SETX: variants seen among roughly 807,000 people sequenced by gnomAD.
SETX encodes the protein helicase senataxin.
SETX carries 90 observed loss-of-function variants against 227.2 expected under a neutral mutation model. That is an observed-to-expected ratio of 0.40 (90% CI 0.33 to 0.47). The LOEUF is 0.47. SETX is among the 20% of genes least tolerant of loss of function. The pLI is 0.91. For synonymous variants in SETX, 1,210 were observed against 1,113.2 expected, an observed-to-expected ratio of 1.09 and a Z score of -1.73; for missense variants, 3,052 against 3,181.5, an observed-to-expected ratio of 0.96 and a Z score of 0.98.
intron 24 of SETX, among the ~76,000 whole-genome samples, chr9:132,271,340 G>A (rs1842894202): frequency 1.3e-5 from 2 of 152,226 alleles, no homozygotes; most frequent in Admixed American, 6.5e-5. Context: ...AAAGTGGGTG[G>A]AGCACTTGAG....
At chr9:132,336,973 G>A (rs965178087) in intron 5 of SETX, among the ~76,000 whole-genome samples, 7 of 152,164 alleles carry the variant, frequency 4.6e-5, no homozygotes, top group African/African-American at 1.4e-4. Context: ...GGCTGAGGCA[G>A]GAGAATTGTT....
Position 132,281,469 on chromosome 9 carries a change from T to G in SETX, c.6652A>C (p.Met2218Leu). ...PKQLPPTVIS[M>L]KAQEYGYDQS... Reference sequence around the variant, plus strand: ...CAATCTGAACATAAAAAACTTACCATAGAGATGACTGTCGGAGGGAGCTGC... The same window carrying G: ...CAATCTGAACATAAAAAACTTACCAGAGAGATGACTGTCGGAGGGAGCTGC... The change falls in exon 20 of 26, where the codon ATG becomes CTG. Residue 2218 changes from methionine to leucine, a missense_variant and splice_region_variant. Physicochemically the swap from Met to Leu is conservative, Grantham distance 15. Around this residue, in one of 10 missense-constraint regions of SETX, gnomAD observed 412 missense variants for 589.0 expected, o/e 0.70. Coordinates refer to ENST00000224140, the MANE Select transcript of SETX (RefSeq NM_015046.7). 6.2e-7 allele frequency: 1 copy of G among 1,610,034 alleles called. No homozygotes were observed. The highest frequency in any genetic ancestry group is 1.1e-5 in the South Asian group (1 of 90,988).
intron 5 of SETX, among the ~76,000 whole-genome samples, chr9:132,340,525 T>A (rs1847894769): frequency 6.9e-6 from 1 of 145,124 alleles, no homozygotes; most frequent in Non-Finnish European, 1.5e-5. Context: ...GAGTGATGGA[T>A]AAAATCCAAG....
chr9:132,269,564 C>T, intron 25 of SETX, 51 bp downstream of exon 25: 2 of 1,611,238 alleles, frequency 1.2e-6, no homozygotes, highest in Non-Finnish European at 1.7e-6. Context: ...AACAAAAACT[C>T]AATCCAACAA....
intron 23 of SETX, among the ~76,000 whole-genome samples, chr9:132,272,913 G>A (rs947836326): frequency 8.5e-5 from 13 of 152,136 alleles, no homozygotes; most frequent in African/African-American, 3.1e-4. Flanking sequence ...ATCTACAGAT[G>A]TAATCCAACT....
At chr9:132,348,871 T>C (rs1848455181) in intron 3 of SETX, among the ~76,000 whole-genome samples, 1 of 152,112 alleles carries the variant, frequency 6.6e-6, no homozygotes, top group South Asian at 2.1e-4. Flanking sequence ...GAGGCTGCAG[T>C]GAACCGTGAT....
chr9:132,333,416 T>TATATACAC (rs779955041), intron 7 of SETX, among the ~76,000 whole-genome samples: 5 of 88,092 alleles, frequency 5.7e-5, no homozygotes, highest in African/African-American at 2.6e-4. Context: ...AAAATATATA[T>TATATACAC]ACACACACAC....
rs1777745223 is a variant in SETX, at chr9:132,346,446, C to T, written c.203G>A (p.Arg68His). 1.9e-6 allele frequency: 3 copies of T among 1,612,290 alleles called. No individual in the cohort carries two copies. The highest frequency in any genetic ancestry group is 2.5e-6 in the Non-Finnish European group (3 of 1,178,934). ...HEVLWELETL[R>H]LINHFEKSMK... ...GGATTTTTCAAAGTGATTTATGAGA[C>T]GTAAGGTTTCTAATTCCCATAAAAC... The change falls in exon 4 of 26, where the codon CGT becomes CAT. Residue 68 changes from arginine (R) to histidine (H), a missense_variant. Coordinates refer to ENST00000224140, the MANE Select transcript of SETX (RefSeq NM_015046.7).
At chr9:132,348,277 T>A (rs1848406930) in intron 3 of SETX, among the ~76,000 whole-genome samples, 1 of 147,498 alleles carries the variant, frequency 6.8e-6, no homozygotes, top group African/African-American at 2.5e-5. Context: ...GAGAATCGCT[T>A]GAACCCACCT....
chr9:132,307,741 C>G (rs944832234), intron 11 of SETX, among the ~76,000 whole-genome samples: 1 of 150,470 alleles, frequency 6.6e-6, no homozygotes, highest in Non-Finnish European at 1.5e-5. Context: ...TGCAGTGGCA[C>G]GATCTCGGCT....
At chr9:132,338,662 T>C (rs1847784676) in intron 5 of SETX, among the ~76,000 whole-genome samples, 1 of 152,188 alleles carries the variant, frequency 6.6e-6, no homozygotes, top group Non-Finnish European at 1.5e-5. Flanking sequence ...CTTCATATAT[T>C]TATTAGCTAT....
At chr9:132,319,362 A>C (rs950232444) in intron 10 of SETX, among the ~76,000 whole-genome samples, 5 of 152,216 alleles carry the variant, frequency 3.3e-5, no homozygotes, top group African/African-American at 1.2e-4. Flanking sequence ...TAAACTGGTT[A>C]CTATTACTAT....
At chr9:132,335,172 C>CTT (rs1564553998) in intron 6 of SETX, among the ~76,000 whole-genome samples, 1 of 151,816 alleles carries the variant, frequency 6.6e-6, no homozygotes, top group Non-Finnish European at 1.5e-5. Context: ...GGGCAGATCA[C>CTT]AAAGTCAGGA....
chr9:132,333,066 G>A (rs1398780558), intron 7 of SETX, among the ~76,000 whole-genome samples: 1 of 151,632 alleles, frequency 6.6e-6, no homozygotes, highest in Non-Finnish European at 1.5e-5. Context: ...AATAGCCTCA[G>A]ACATAATCTA....
Position 132,336,394 on chromosome 9 carries a change from C to A in SETX, c.620G>T (p.Ser207Ile), listed in dbSNP as rs1352065399. 6.2e-7 allele frequency: 1 copy of A among 1,614,052 alleles called. No individual in the cohort carries two copies. The highest frequency in any genetic ancestry group is 2.2e-5 in the East Asian group (1 of 44,878). The change falls in exon 6 of 26, where the codon AGT becomes ATT. Residue 207 changes from serine to isoleucine, a missense_variant. Coordinates refer to ENST00000224140, the MANE Select transcript of SETX (RefSeq NM_015046.7). ...FKVIELGLLE[S>I]PDIYTSSVLE... ...GACAGAAGAAGTATAAATGTCTGGACTCTCTAAAAGCCCCAACTCAATGAC... is the reference window on the plus strand; with the variant it reads ...GACAGAAGAAGTATAAATGTCTGGAATCTCTAAAAGCCCCAACTCAATGAC...
chr9:132,319,270 C>T (rs983813442), intron 10 of SETX, among the ~76,000 whole-genome samples: 3 of 152,188 alleles, frequency 2.0e-5, no homozygotes, highest in Admixed American at 6.5e-5. Flanking sequence ...ACTATAGTAG[C>T]CCCTTGACTG....
chr9:132,295,868 A>AT lies in SETX; in HGVS notation c.6106+3dup, dbSNP rs1844639633. 5.0e-6 allele frequency: 8 copies of AT among 1,612,226 alleles called. No individual in the cohort carries two copies. The highest frequency in any genetic ancestry group is 6.8e-6 in the Non-Finnish European group (8 of 1,178,708). ...CAAATTTAAAATCCACAAAAGTATC[A>AT]TACCTAAAGGATTCTTCTTGTCTTT... On this transcript the variant is annotated splice_donor_region_variant and intron_variant, in intron 15 of 25. Transcript: ENST00000224140.
chr9:132,317,757 C>CTGGCCA (rs1177170032), intron 10 of SETX, among the ~76,000 whole-genome samples: 2 of 152,098 alleles, frequency 1.3e-5, no homozygotes, highest in East Asian at 3.9e-4. Flanking sequence ...GCCACTGTAC[C>CTGGCCA]TGGCCATCTT....
intron 24 of SETX, among the ~76,000 whole-genome samples, chr9:132,270,900 T>C (rs958649545): frequency 1.3e-5 from 2 of 152,212 alleles, no homozygotes; most frequent in African/African-American, 4.8e-5. Flanking sequence ...GACCCTGAGA[T>C]ACAACTGGGC....
Sources: allele counts gnomAD v4.1 joint callset (sites outside exome capture counted in the v4.1 genomes callset), GRCh38; gene constraint gnomAD v4.1.1; regional missense constraint gnomAD v4.1.1; transcripts MANE v1.5; gene names NCBI Gene and HGNC (gene_info 2026-07-23, HGNC 2026-07-21).